The following ATRNL1 variants were observed in gnomAD, a reference collection of about 807,000 sequenced individuals.
ATRNL1 encodes attractin-like protein 1.
A neutral mutation model predicts 182.7 loss-of-function variants in ATRNL1; 95 were observed. That is an observed-to-expected ratio of 0.52 (90% CI 0.44 to 0.62). ATRNL1 has a LOEUF of 0.62. Ranked by LOEUF, ATRNL1 falls within the 20% of genes least tolerant of loss-of-function variation. ATRNL1 has a pLI of 0.00. For missense variants in ATRNL1, 1,471 were observed against 1,679.5 expected, an observed-to-expected ratio of 0.88 and a Z score of 2.17; for synonymous variants, 576 against 568.3, an observed-to-expected ratio of 1.01 and a Z score of -0.19.
At chr10:115,399,477 C>T (rs1221731838) in intron 20 of ATRNL1, among the ~76,000 whole-genome samples, 1 of 151,902 alleles carries the variant, frequency 6.6e-6, no homozygotes, top group Non-Finnish European at 1.5e-5. Flanking sequence ...AATGTTCTCT[C>T]ATGGTTGTTC....
At chr10:115,280,360 A>T (rs558835558) in intron 13 of ATRNL1, among the ~76,000 whole-genome samples, 4 of 152,222 alleles carry the variant, frequency 2.6e-5, no homozygotes, top group African/African-American at 9.6e-5. Context: ...CATAATAAGC[A>T]TGTTATCTTC....
At chr10:115,825,367 C>T (rs558274951) in intron 27 of ATRNL1, among the ~76,000 whole-genome samples, 9 of 152,144 alleles carry the variant, frequency 5.9e-5, no homozygotes, top group South Asian at 2.1e-4. Context: ...CCACATGACA[C>T]GTATATACCT....
At chr10:115,219,956 C>G (rs1278918906) in intron 9 of ATRNL1, among the ~76,000 whole-genome samples, 1 of 152,148 alleles carries the variant, frequency 6.6e-6, no homozygotes, top group African/African-American at 2.4e-5. Context: ...TATCCTCGTG[C>G]ACAGCCTCCT....
chr10:115,538,201 C>G (rs1414625603), intron 25 of ATRNL1, among the ~76,000 whole-genome samples: 5 of 152,182 alleles, frequency 3.3e-5, no homozygotes, highest in East Asian at 1.9e-4. Context: ...TTTCATTTCT[C>G]TAGCATAAAT....
intron 27 of ATRNL1, among the ~76,000 whole-genome samples, chr10:115,738,346 G>C (rs1028715215): frequency 1.3e-5 from 2 of 151,546 alleles, no homozygotes. Flanking sequence ...GACCATGTTG[G>C]CCAGGCTGGT....
chr10:115,860,494 T>G (rs1162423032), intron 28 of ATRNL1, among the ~76,000 whole-genome samples: 1 of 152,190 alleles, frequency 6.6e-6, no homozygotes, highest in Non-Finnish European at 1.5e-5. Context: ...GAAAGGAAGC[T>G]GTTGTCCATA....
chr10:115,120,257 C>A lies in ATRNL1; in HGVS notation c.366C>A (p.Leu122=). The A allele has an allele frequency of 1.3e-6, 2 of 1,538,608 alleles. No homozygotes were observed. The highest frequency in any genetic ancestry group is 1.1e-5 in the South Asian group (1 of 87,836). Residue 122 remains leucine, a synonymous_variant, in exon 2 of 29, where the codon CTC becomes CTA. Transcript: ENST00000355044. The part of the protein sequence containing the change: ...NYKYKTKCTW[L]IEGYPNAVLR... ...AATATAAAACTAAATGTACTTGGCTCATTGAAGGCTAGTAAGTATACAGTC... is the reference window on the plus strand; with the variant it reads ...AATATAAAACTAAATGTACTTGGCTAATTGAAGGCTAGTAAGTATACAGTC...
intron 27 of ATRNL1, among the ~76,000 whole-genome samples, chr10:115,779,239 A>G (rs958797329): frequency 1.3e-5 from 2 of 152,172 alleles, no homozygotes; most frequent in African/African-American, 2.4e-5. Flanking sequence ...TTTGGGAATG[A>G]GTTCAGTTTT....
chr10:115,849,476 A>G (rs1951004129), intron 28 of ATRNL1, among the ~76,000 whole-genome samples: 1 of 152,196 alleles, frequency 6.6e-6, no homozygotes, highest in Admixed American at 6.6e-5. Context: ...GCAACTGCCA[A>G]TTCTCTGTCC....
rs532774587 is a variant in ATRNL1, at chr10:115,274,230, G to A, written c.2100+5786G>A. Reference sequence around the variant, plus strand: ...CTGGCAGAGCTTGTATAGTACTCTGGACCTGTTGCAGAGCCCTCTCTTATT... The same window carrying A: ...CTGGCAGAGCTTGTATAGTACTCTGAACCTGTTGCAGAGCCCTCTCTTATT... On this transcript the variant is annotated intron_variant, in intron 13 of 28. Coordinates refer to ENST00000355044, the MANE Select transcript of ATRNL1 (RefSeq NM_207303.4). Among the ~76,000 whole-genome samples, 11 of 152,258 alleles carry A rather than the reference G, an allele frequency of 7.2e-5. 1 individual carries two copies. The South Asian group carries it at 2.3e-3, about 32-fold the overall frequency.
At chr10:115,889,366 C>T (rs1367598274) in intron 28 of ATRNL1, among the ~76,000 whole-genome samples, 2 of 129,742 alleles carry the variant, frequency 1.5e-5, no homozygotes, top group East Asian at 5.3e-4. Context: ...GAGACAGAGT[C>T]TTGCTCTGTC....
intron 28 of ATRNL1, among the ~76,000 whole-genome samples, chr10:115,931,801 A>G (rs940534098): frequency 2.0e-5 from 3 of 152,150 alleles, no homozygotes; most frequent in Admixed American, 2.0e-4. Context: ...TCCTGTGAGG[A>G]ACCTGTGGTT....
chr10:115,832,406 G>A (rs1950579734), intron 27 of ATRNL1, among the ~76,000 whole-genome samples: 2 of 152,194 alleles, frequency 1.3e-5, no homozygotes, highest in African/African-American at 4.8e-5. Context: ...GCTAAGGGAA[G>A]GATAGAAAAC....
chr10:115,535,716 G>GT (rs1451021331), intron 25 of ATRNL1, among the ~76,000 whole-genome samples: 1 of 152,190 alleles, frequency 6.6e-6, no homozygotes, highest in South Asian at 2.1e-4. Flanking sequence ...TTTCTGCTCT[G>GT]TTTTTTCCCC....
At position 115,211,784 on chromosome 10, in the gene ATRNL1, C is replaced by T. The variant is rs1166837593; in HGVS notation, c.1349-3913C>T. ...CCCCTCCCCTCACCCACAACAGTCC[C>T]TGGTGTGTGATGTTCCCCTTCCTGT... On this transcript the variant is annotated intron_variant, in intron 8 of 28. Transcript: ENST00000355044. 8.4e-5 allele frequency among the ~76,000 whole-genome samples: 12 copies of T among 143,436 alleles called. 1 individual carries two copies. The highest frequency in any genetic ancestry group is 3.0e-4 in the African/African-American group (12 of 39,420). 94.1% of individuals were successfully genotyped at this position (143,436 alleles called of 152,430 possible).
intron 8 of ATRNL1, among the ~76,000 whole-genome samples, chr10:115,210,231 C>T (rs755394279): frequency 1.3e-4 from 20 of 151,976 alleles, no homozygotes; most frequent in Non-Finnish European, 1.0e-4. Flanking sequence ...ACCCTTTACA[C>T]AGTTTTCTCT....
intron 26 of ATRNL1, among the ~76,000 whole-genome samples, chr10:115,557,765 G>C (rs1435957258): frequency 6.6e-6 from 1 of 152,106 alleles, no homozygotes; most frequent in Admixed American, 6.5e-5. Flanking sequence ...ACAAACAACC[G>C]ACTGGGCACA....
chr10:115,148,930 A>G (rs1224360786), intron 5 of ATRNL1, among the ~76,000 whole-genome samples: 2 of 151,820 alleles, frequency 1.3e-5, no homozygotes, highest in Non-Finnish European at 2.9e-5. Flanking sequence ...TTGTATTTTT[A>G]GTAGAGATGA....
chr10:115,293,827 C>G (rs1190980035), intron 15 of ATRNL1, among the ~76,000 whole-genome samples: 1 of 152,142 alleles, frequency 6.6e-6, no homozygotes, highest in African/African-American at 2.4e-5. Context: ...AAGAAATTCA[C>G]TATTGCTGAA....
Sources: gnomAD v4.1 joint callset for allele counts (sites outside exome capture counted in the v4.1 genomes callset) on GRCh38, gnomAD v4.1.1 for gene constraint, MANE v1.5 for transcripts, NCBI Gene and HGNC (gene_info 2026-07-23, HGNC 2026-07-21) for gene names.